Variants in ARHGAP33 observed in about 807,000 individuals in gnomAD.
The protein encoded by ARHGAP33 is rho GTPase-activating protein 33.
A neutral mutation model predicts 126.2 loss-of-function variants in ARHGAP33; 57 were observed. That is an observed-to-expected ratio of 0.45 (90% confidence interval 0.36 to 0.56). The LOEUF (loss-of-function observed/expected upper bound fraction) is 0.56. Among genes scored for constraint, ARHGAP33 ranks in the 20% least tolerant of loss-of-function variants. The pLI, the probability that ARHGAP33 is intolerant of heterozygous loss-of-function variation, is 0.00. For missense variants in ARHGAP33, 1,500 were observed against 1,748.3 expected (o/e 0.86, Z 2.53); for synonymous variants, 711 against 755.0 (o/e 0.94, Z 0.95).
chr19:35,780,185 C>T (rs751717907), intron 6 of ARHGAP33, 26 bp from the exon 7 acceptor site: 3 of 1,611,862 alleles, frequency 1.9e-6, no homozygotes, highest in Non-Finnish European at 2.5e-6. Context: ...CTGACCTGTC[C>T]TTGCCACATT....
Position 35,786,612 on chromosome 19 carries a change from C to A in ARHGAP33, c.2142C>A (p.Thr714=), listed in dbSNP as rs1002135956. ...GALSGSPSHR[T]SAWLDDGDEL... is the part of the protein sequence containing the mutation. ...TCTCTGGGTCTCCCTCACACCGTAC[C>A]TCAGCCTGGCTAGATGATGGTGATG... The change falls in exon 20 of 21, where the codon ACC becomes ACA. Residue 714 remains threonine, a synonymous_variant. Coordinates refer to ENST00000007510, the MANE Select transcript of ARHGAP33 (RefSeq NM_001366178.1). The surrounding 1 kb of genome is among the most constrained non-coding windows in gnomAD (Gnocchi z 7.0). 6.5e-7 allele frequency: 1 copy of A among 1,535,942 alleles called. No homozygotes were observed. Among genetic ancestry groups the A allele is most frequent in the Non-Finnish European group, 8.7e-7 (1 of 1,146,820 alleles).
chr19:35,784,888 T>G (rs1326798256), intron 16 of ARHGAP33, 65 bp from the exon 17 acceptor site: 23 of 1,463,188 alleles, frequency 1.6e-5, no homozygotes, highest in Non-Finnish European at 2.0e-5. Context: ...GCTGTGGCGC[T>G]TGGCTTTGCC....
intron 15 of ARHGAP33, 151 bp downstream of exon 15, chr19:35,783,020 C>G: frequency 1.5e-6 from 1 of 652,284 alleles, no homozygotes. Context: ...GGGGACCCAG[C>G]ACTGAGCATG....
chr19:35,778,669 G>A (rs1298698931), intron 5 of ARHGAP33, 68 bp downstream of exon 5: 1 of 1,550,458 alleles, frequency 6.4e-7, no homozygotes, highest in Non-Finnish European at 8.7e-7. Flanking sequence ...AAATCATCAA[G>A]GCAGCGGGAT....
At position 35,786,138 on chromosome 19, in the gene ARHGAP33, C is replaced by G; in HGVS notation, c.1943-275C>G. 1.5e-6 allele frequency: 2 copies of G among 1,343,450 alleles called. No individual in the cohort carries two copies. The highest frequency in any genetic ancestry group is 1.9e-6 in the Non-Finnish European group (2 of 1,050,192). The allele number at this position is 1,343,450 out of a possible 1,614,324, so 83.2% of individuals were successfully genotyped here. ...ACACTCCTGGGGTACTGCCCTCCCA[C>G]ATACCCAGGAGCCCAGGTGCTGTCC... On this transcript the variant is annotated intron_variant, in intron 19 of 20. Coordinates refer to ENST00000007510, the MANE Select transcript of ARHGAP33 (RefSeq NM_001366178.1). The surrounding 1 kb of genome is among the most constrained non-coding windows in gnomAD (Gnocchi z 7.0).
intron 8 of ARHGAP33, 38 bp from the exon 9 acceptor site, chr19:35,780,544 A>C (rs1363481575): frequency 6.2e-7 from 1 of 1,613,000 alleles, no homozygotes; most frequent in Admixed American, 1.7e-5. Flanking sequence ...GTACCTGCCA[A>C]CTGGGGTGGC....
chr19:35,784,980 C>T lies in ARHGAP33; in HGVS notation c.1595C>T (p.Ser532Phe). 6.5e-7 allele frequency: 1 copy of T among 1,545,082 alleles called. No homozygotes were observed. The highest frequency in any genetic ancestry group is 8.7e-7 in the Non-Finnish European group (1 of 1,146,716). The change falls in exon 17 of 21, where the codon TCC becomes TTC. Residue 532 changes from serine (S) to phenylalanine (F), a missense_variant. Coordinates refer to ENST00000007510, the MANE Select transcript of ARHGAP33 (RefSeq NM_001366178.1). ...CGCTGCCTGCTCCCCAGGCCCAAGT[C>T]CCTTGCGGGCAGCTGCCCCTCCACC... The part of the protein sequence containing the change: ...AGRCLLPRPK[S>F]LAGSCPSTRL...
Position 35,787,281 on chromosome 19 carries a change from G to A in ARHGAP33, c.2716G>A (p.Glu906Lys), listed in dbSNP as rs1044549600. 5.0e-6 allele frequency: 8 copies of A among 1,612,316 alleles called. No individual in the cohort carries two copies. The highest frequency in any genetic ancestry group is 2.2e-5 in the South Asian group (2 of 91,050). The change falls in exon 21 of 21, where the codon GAG becomes AAG. Residue 906 changes from glutamate to lysine, a missense_variant. By Grantham distance (56) the Glu-to-Lys change is moderately conservative. Coordinates refer to ENST00000007510, the MANE Select transcript of ARHGAP33 (RefSeq NM_001366178.1). ...PARLMALALA[E>K]RAQQVAEQQS... is the part of the protein sequence containing the mutation. ...ACGCCTCATGGCCCTGGCCCTGGCT[G>A]AGCGGGCTCAGCAGGTGGCCGAGCA...
At chr19:35,780,114 G>A (rs752434588) in intron 6 of ARHGAP33, 97 bp from the exon 7 acceptor site, 52 of 1,513,876 alleles carry the variant, frequency 3.4e-5, no homozygotes, top group Non-Finnish European at 4.3e-5. Flanking sequence ...CTCTTGACGG[G>A]GGCGGGCAGT....
rs760842426 is a variant in ARHGAP33, at chr19:35,787,724, C to T, written c.3159C>T (p.Tyr1053=). Reference sequence around the variant, plus strand: ...TCGGGGTCCCCAAGCCAGGCTTGTACCCCCTGGGCCCCCCATCCTTCCAGC... The same window carrying T: ...TCGGGGTCCCCAAGCCAGGCTTGTATCCCCTGGGCCCCCCATCCTTCCAGC... ...PFLGVPKPGL[Y]PLGPPSFQPS... is the part of the protein sequence containing the mutation. Residue 1053 remains tyrosine, a synonymous_variant, in exon 21 of 21, where the codon TAC becomes TAT. Coordinates refer to ENST00000007510, the MANE Select transcript of ARHGAP33 (RefSeq NM_001366178.1). 6.9e-6 allele frequency: 11 copies of T among 1,586,432 alleles called. No homozygotes were observed. The highest frequency in any genetic ancestry group is 2.3e-5 in the South Asian group (2 of 87,168).
At position 35,787,203 on chromosome 19, in the gene ARHGAP33, CT is replaced by C. The variant is rs745953134; in HGVS notation, c.2639del (p.Leu880ArgfsTer77). On this transcript the variant is annotated frameshift_variant, in exon 21 of 21. Coordinates refer to ENST00000007510, the MANE Select transcript of ARHGAP33 (RefSeq NM_001366178.1). LOFTEE classifies it high-confidence loss of function. ...DMESPLPPPP[L>X]SLLRPGGAPP... The stretch of plus-strand genomic sequence containing the variant: ...GGAGTCACCACTGCCACCCCCTCCC[CT>C]GTCTCTCCTGCGCCCTGGGGGTGCC... The C allele has an allele frequency of 1.9e-6, 3 of 1,611,202 alleles. No individual in the cohort carries two copies. The highest frequency in any genetic ancestry group is 1.3e-5 in the African/African-American group (1 of 74,912).
In ARHGAP33 at chr19:35,782,645, G is replaced by A. The variant is rs1404058606; in HGVS notation, c.1279G>A (p.Asp427Asn). The A allele has an allele frequency of 4.3e-6, 7 of 1,613,260 alleles. No homozygotes were observed. The highest frequency in any genetic ancestry group is 4.0e-5 in the African/African-American group (3 of 74,890). Residue 427 changes from aspartate to asparagine, a missense_variant, in exon 14 of 21, where the codon GAT becomes AAT. This residue lies in a region of ARHGAP33 where 281 missense variants were observed against 413.7 expected (regional missense o/e 0.68). Coordinates refer to ENST00000007510, the MANE Select transcript of ARHGAP33 (RefSeq NM_001366178.1). This position sits in a 1 kb window ranked among gnomAD's most constrained non-coding sequence, Gnocchi z 4.1. ...GGAGGAGCGTCTGGTGCGGGTGCAC[G>A]ATGTCATCCAGCAGCTGCCCCCACC... Reference protein sequence around the residue: ...GEEERLVRVHDVIQQLPPPHY... With the variant: ...GEEERLVRVHNVIQQLPPPHY...
In ARHGAP33 at chr19:35,787,002, C is replaced by G; in HGVS notation, c.2532C>G (p.Ala844=). 1 of 1,609,474 alleles carries G rather than the reference C, an allele frequency of 6.2e-7. No individual in the cohort carries two copies. Among genetic ancestry groups the G allele is most frequent in the Non-Finnish European group, 8.5e-7 (1 of 1,178,210 alleles). ...PHLIPLLLRG[A]EAPLTDACQQ... ...TCATACCCCTGCTGCTGCGAGGAGC[C>G]GAGGCCCCGCTGACTGACGCCTGCC... Residue 844 remains alanine (A), a synonymous_variant, in exon 20 of 21, where the codon GCC becomes GCG. Transcript: ENST00000007510.
rs200289967 is a variant in ARHGAP33 at position 35,786,907 on chromosome 19, G to C, written c.2437G>C (p.Ala813Pro). The change falls in exon 20 of 21, where the codon GCT becomes CCT. Residue 813 changes from alanine (A) to proline (P), a missense_variant. By Grantham distance (27) the Ala-to-Pro change is conservative (BLOSUM62 -1). Transcript: ENST00000007510. This position sits in a 1 kb window ranked among gnomAD's most constrained non-coding sequence, Gnocchi z 7.0. ...VPPAVLELLG[A>P]GGAPASATPT... Reference sequence around the variant, plus strand: ...ACCCGCTGTCCTAGAACTGCTGGGGGCTGGGGGAGCACCTGCCTCAGCCAC... The same window carrying C: ...ACCCGCTGTCCTAGAACTGCTGGGGCCTGGGGGAGCACCTGCCTCAGCCAC... The C allele has an allele frequency of 6.2e-7, 1 of 1,609,640 alleles. No individual in the cohort carries two copies. The highest frequency in any genetic ancestry group is 8.5e-7 in the Non-Finnish European group (1 of 1,179,358).
At position 35,787,931 on chromosome 19, in the gene ARHGAP33, T is replaced by G; in HGVS notation, c.3366T>G (p.Leu1122=). 1 of 1,579,588 alleles carries G rather than the reference T, an allele frequency of 6.3e-7. No individual in the cohort carries two copies. Among genetic ancestry groups the G allele is most frequent in the South Asian group, 1.1e-5 (1 of 89,404 alleles). Residue 1122 remains leucine (L), a synonymous_variant, in exon 21 of 21, where the codon CTT becomes CTG. Transcript: ENST00000007510. ...PDRLNASYGM[L]GQSPPLHRSP... is the part of the protein sequence containing the mutation. Reference sequence around the variant, plus strand: ...GGCTCAATGCCTCCTACGGCATGCTTGGCCAATCACCCCCACTCCACAGGT... The same window carrying G: ...GGCTCAATGCCTCCTACGGCATGCTGGGCCAATCACCCCCACTCCACAGGT...
intron 6 of ARHGAP33, chr19:35,779,849 C>T (rs1426762436): frequency 6.5e-6 from 3 of 464,386 alleles, no homozygotes; most frequent in Non-Finnish European, 8.6e-6. Flanking sequence ...GCTGGGATTA[C>T]AGGCGTGTGC....
In ARHGAP33 at chr19:35,786,943, G is replaced by A. The variant is rs754793291; in HGVS notation, c.2473G>A (p.Ala825Thr). 1.2e-6 allele frequency: 2 copies of A among 1,610,976 alleles called. No individual in the cohort carries two copies. The highest frequency in any genetic ancestry group is 1.7e-6 in the Non-Finnish European group (2 of 1,179,544). Residue 825 changes from alanine (A) to threonine (T), a missense_variant, in exon 20 of 21, where the codon GCT (alanine) becomes ACT (threonine). Coordinates refer to ENST00000007510, the MANE Select transcript of ARHGAP33 (RefSeq NM_001366178.1). This position sits in a 1 kb window ranked among gnomAD's most constrained non-coding sequence, Gnocchi z 7.0. ...ACCTGCCTCAGCCACCCCAACACCA[G>A]CTCTCAGCCCCGGCCGGAGCCTGCG... ...GAPASATPTP[A>T]LSPGRSLRPH...
Position 35,780,897 on chromosome 19 carries a change from C to T in ARHGAP33, c.830-23C>T, listed in dbSNP as rs1384568836. ...GCTGACCCCACAAGACCTGCCTTTG[C>T]CCTTTGCCCCTTGCCCCCACAGCTG... On this transcript the variant is annotated intron_variant, in intron 10 of 20. Coordinates refer to ENST00000007510, the MANE Select transcript of ARHGAP33 (RefSeq NM_001366178.1). 5.6e-6 allele frequency: 9 copies of T among 1,610,710 alleles called. 1 individual carries two copies. In the East Asian group the frequency reaches 1.1e-4, roughly 20 times the overall value.
At chr19:35,784,134 T>C (rs1768539753) in intron 15 of ARHGAP33, 38 bp from the exon 16 acceptor site, 1 of 1,578,158 alleles carries the variant, frequency 6.3e-7, no homozygotes, top group Non-Finnish European at 8.6e-7. Context: ...CTGGCTGGGC[T>C]CAAGGCACCC....
Sources: allele counts gnomAD v4.1 joint callset, GRCh38; gene constraint gnomAD v4.1.1; regional missense constraint gnomAD v4.1.1; non-coding constraint Gnocchi (gnomAD v3.1); transcripts MANE v1.5; gene names NCBI Gene and HGNC (gene_info 2026-07-23, HGNC 2026-07-21).